The following HMGCLL1 variants were observed in gnomAD, a reference collection of about 807,000 sequenced individuals.
The protein encoded by HMGCLL1 is 3-hydroxy-3-methylglutaryl-CoA lyase like 1.
In HMGCLL1, 36 loss-of-function variants were observed where a neutral mutation model predicts 39.1. The observed-to-expected ratio is 0.92, with a 90% CI of 0.71 to 1.22. The LOEUF (loss-of-function observed/expected upper bound fraction) is 1.22. HMGCLL1 is among the 50% of genes most tolerant of loss of function. HMGCLL1 has a pLI of 0.00. For missense variants in HMGCLL1, 451 were observed against 416.5 expected (o/e 1.08, Z -0.72); for synonymous variants, 149 against 144.0 (o/e 1.03, Z -0.25).
chr6:55,552,065 GAATT>G (rs1422051660), intron 1 of HMGCLL1, among the ~76,000 whole-genome samples: 1 of 151,850 alleles, frequency 6.6e-6, no homozygotes, highest in African/African-American at 2.4e-5. Context: ...CAATTAAAAT[GAATT>G]AATAAATTAT....
intron 5 of HMGCLL1, chr6:55,512,162 T>C (rs998930213): frequency 6.6e-6 from 1 of 152,128 alleles, no homozygotes; most frequent in Non-Finnish European, 1.5e-5. Flanking sequence ...GGTTACTTCC[T>C]ACAACTTATA....
chr6:55,658,047 T>C, the HMGCLL1 span, among the ~76,000 whole-genome samples: 11 of 151,338 alleles, frequency 7.3e-5, no homozygotes, highest in African/African-American at 2.7e-4. Flanking sequence ...CACTTATACC[T>C]TGAACTTAAA....
At chr6:55,598,769 A>C in the HMGCLL1 span, among the ~76,000 whole-genome samples, 1 of 152,212 alleles carries the variant, frequency 6.6e-6, no homozygotes, top group Non-Finnish European at 1.5e-5. Context: ...TGCATTCATG[A>C]GTAATAGACA....
chr6:55,636,056 C>T, the HMGCLL1 span, among the ~76,000 whole-genome samples: 1 of 152,048 alleles, frequency 6.6e-6, no homozygotes, highest in African/African-American at 2.4e-5. Flanking sequence ...AAATATCAGT[C>T]TCATGATCAA....
the HMGCLL1 span, among the ~76,000 whole-genome samples, chr6:55,632,195 A>T: frequency 6.6e-6 from 1 of 152,026 alleles, no homozygotes; most frequent in Non-Finnish European, 1.5e-5. Flanking sequence ...CAGCTGCAGA[A>T]CCATTTTTAC....
In HMGCLL1 at chr6:55,542,116, G is replaced by C; in HGVS notation, c.133C>G (p.Pro45Ala). Residue 45 changes from proline (P) to alanine (A), a missense_variant, in exon 2 of 9, where the codon CCT becomes GCT. Coordinates refer to ENST00000274901, the MANE Select transcript of HMGCLL1 (RefSeq NM_001042406.2). ...AQETSQLSGL[P>A]EFVKIVEVGP... ...ACTTCTACTATTTTAACAAACTCAG[G>C]GAGTCCAGATAACTGGGATGTTTCC... The C allele has an allele frequency of 2.5e-6, 4 of 1,609,312 alleles. No individual in the cohort carries two copies. The highest frequency in any genetic ancestry group is 3.4e-6 in the Non-Finnish European group (4 of 1,176,928).
the HMGCLL1 span, among the ~76,000 whole-genome samples, chr6:55,591,075 T>C: frequency 6.6e-6 from 1 of 152,114 alleles, no homozygotes; most frequent in Admixed American, 6.6e-5. Flanking sequence ...AAAAAGACAC[T>C]TTTTATGTAC....
chr6:55,673,204 T>A, the HMGCLL1 span, among the ~76,000 whole-genome samples: 6 of 151,934 alleles, frequency 3.9e-5, no homozygotes, highest in Non-Finnish European at 8.8e-5. Flanking sequence ...AGCTCCTGTA[T>A]AAATATGCAA....
At position 55,543,088 on chromosome 6, in the gene HMGCLL1, TATATA is replaced by T. The variant is rs1419278028; in HGVS notation, c.109-953_109-949del. ...ATATAATATATATACAGGTGTGATA[TATATA>T]ATATAATATATGATATAATATATAA... On this transcript the variant is annotated intron_variant, in intron 1 of 8. Coordinates refer to ENST00000274901, the MANE Select transcript of HMGCLL1 (RefSeq NM_001042406.2). Among the ~76,000 whole-genome samples, 15 of 33,382 alleles carry T rather than the reference TATATA, an allele frequency of 4.5e-4. 4 individuals carry two copies. The highest frequency in any genetic ancestry group is 8.8e-4 in the East Asian group (1 of 1,132). 21.9% of individuals were successfully genotyped at this position (33,382 alleles called of 152,430 possible). A position where few individuals can be genotyped will look rare whatever the true frequency, so the allele number is the denominator to read the frequency against.
rs187607834 is a variant in HMGCLL1, at chr6:55,515,810, C to T, written c.393+698G>A. On this transcript the variant is annotated intron_variant, in intron 4 of 8. Transcript: ENST00000274901. ...AATGGTTCTAACAAAATACATTATA[C>T]GATTAATACCCCACAATCTCAACTT... is the stretch of plus-strand genomic sequence containing the variant. 2.2e-4 allele frequency among the ~76,000 whole-genome samples: 33 copies of T among 152,086 alleles called. No individual in the cohort carries two copies. The East Asian group carries it at 6.0e-3, about 28-fold the overall frequency.
chr6:55,557,370 C>T (rs1176774532), intron 1 of HMGCLL1, among the ~76,000 whole-genome samples: 1 of 152,072 alleles, frequency 6.6e-6, no homozygotes, highest in East Asian at 1.9e-4. Context: ...GGTTGCCTGG[C>T]AGCGCGTCTG....
At chr6:55,542,360 AAAATT>A (rs1769490808) in intron 1 of HMGCLL1, among the ~76,000 whole-genome samples, 1 of 152,206 alleles carries the variant, frequency 6.6e-6, no homozygotes, top group Non-Finnish European at 1.5e-5. Flanking sequence ...AGTTATGATT[AAAATT>A]CAAAAGATTA....
chr6:55,541,443 G>T (rs965665679), intron 3 of HMGCLL1, among the ~76,000 whole-genome samples: 3 of 152,038 alleles, frequency 2.0e-5, no homozygotes, highest in African/African-American at 7.2e-5. Context: ...TAGAAAGTCA[G>T]CCATAAAATG....
intron 7 of HMGCLL1, among the ~76,000 whole-genome samples, chr6:55,486,501 C>A (rs934640020): frequency 5.3e-5 from 8 of 152,062 alleles, no homozygotes; most frequent in African/African-American, 1.9e-4. Context: ...GGATTATTAT[C>A]ATTAGCAAAT....
At chr6:55,510,593 A>G (rs1344582386) in intron 5 of HMGCLL1, among the ~76,000 whole-genome samples, 1 of 137,948 alleles carries the variant, frequency 7.2e-6, no homozygotes, top group African/African-American at 2.7e-5. Flanking sequence ...TTGAACAATG[A>G]GAACACATGG....
chr6:55,539,710 G>C (rs143588655), intron 3 of HMGCLL1, among the ~76,000 whole-genome samples: 1 of 151,240 alleles, frequency 6.6e-6, no homozygotes, highest in African/African-American at 2.4e-5. Context: ...GAAGAGTTGA[G>C]GGGGGGAGGA....
At chr6:55,450,774 A>G (rs751219254) in intron 7 of HMGCLL1, among the ~76,000 whole-genome samples, 1 of 152,224 alleles carries the variant, frequency 6.6e-6, no homozygotes, top group Non-Finnish European at 1.5e-5. Flanking sequence ...AAAATCTTAT[A>G]GATTAGGATA....
At chr6:55,627,472 T>C in the HMGCLL1 span, among the ~76,000 whole-genome samples, 1 of 151,986 alleles carries the variant, frequency 6.6e-6, no homozygotes, top group Non-Finnish European at 1.5e-5. Context: ...AGGAGATGTG[T>C]ATGGGTTCAC....
At chr6:55,593,534 A>G in the HMGCLL1 span, among the ~76,000 whole-genome samples, 1 of 152,194 alleles carries the variant, frequency 6.6e-6, no homozygotes, top group Admixed American at 6.5e-5. Context: ...AGCATAATTT[A>G]TAAGGCTTTC....
Sources: allele counts gnomAD v4.1 joint callset (sites outside exome capture counted in the v4.1 genomes callset), GRCh38; gene constraint gnomAD v4.1.1; transcripts MANE v1.5; gene names NCBI Gene and HGNC (gene_info 2026-07-23, HGNC 2026-07-21).